The following RASAL2 variants were observed in gnomAD, a reference collection of about 807,000 sequenced individuals.
RASAL2 encodes ras GTPase-activating protein nGAP.
In RASAL2, 58 loss-of-function variants were observed where a neutral mutation model predicts 128.9. The ratio of observed to expected loss-of-function variants is 0.45; its 90% CI spans 0.36 to 0.56. The LOEUF (loss-of-function observed/expected upper bound fraction) is 0.56, where lower values mean the gene tolerates loss of function less well. Among genes scored for constraint, RASAL2 ranks in the 20% least tolerant of loss-of-function variants. The pLI, the probability that RASAL2 is intolerant of heterozygous loss-of-function variation, is 0.00. For missense variants in RASAL2, 1,360 were observed against 1,601.6 expected (o/e 0.85, Z 2.57); for synonymous variants, 561 against 580.8 (o/e 0.97, Z 0.49).
intron 3 of RASAL2, among the ~76,000 whole-genome samples, chr1:178,324,711 G>A (rs554550600): frequency 7.9e-5 from 12 of 152,190 alleles, no homozygotes; most frequent in Admixed American, 3.3e-4. Context: ...GCTAAATATC[G>A]TTTAATTGTA....
chr1:178,219,009 G>A (rs1663525809), intron 1 of RASAL2, among the ~76,000 whole-genome samples: 1 of 152,224 alleles, frequency 6.6e-6, no homozygotes, highest in Admixed American at 6.5e-5. Flanking sequence ...GTGTTCATCA[G>A]TGTTCTTAGT....
At chr1:178,237,456 T>G (rs1417901712) in intron 1 of RASAL2, among the ~76,000 whole-genome samples, 1 of 152,106 alleles carries the variant, frequency 6.6e-6, no homozygotes, top group African/African-American at 2.4e-5. Context: ...GGGAGAGTAA[T>G]GAGAATGTTG....
At chr1:178,150,641 T>C (rs540658349) in intron 1 of RASAL2, among the ~76,000 whole-genome samples, 1 of 152,188 alleles carries the variant, frequency 6.6e-6, no homozygotes, top group Non-Finnish European at 1.5e-5. Context: ...GTGGCTTCTG[T>C]GGGATTATCT....
intron 4 of RASAL2, chr1:178,411,642 T>C (rs550670683): frequency 1.5e-5 from 12 of 795,750 alleles, no homozygotes; most frequent in Non-Finnish European, 2.7e-5. Flanking sequence ...GAAATGTATT[T>C]GGTGTCTGCC....
chr1:178,300,158 T>G (rs373859537), intron 3 of RASAL2, 40 bp downstream of exon 3: 13 of 1,571,104 alleles, frequency 8.3e-6, no homozygotes, highest in Non-Finnish European at 1.1e-5. Context: ...CTAGCTTTTA[T>G]CCCATAATTT....
chr1:178,319,289 G>A (rs1322862302), intron 3 of RASAL2, among the ~76,000 whole-genome samples: 6 of 151,814 alleles, frequency 4.0e-5, no homozygotes, highest in African/African-American at 7.3e-5. Context: ...TGCTCTTCTC[G>A]AGGAGTATCT....
rs1658581874 is a variant in RASAL2 at position 178,094,339 on chromosome 1, G to C, written c.-154G>C. On this transcript the variant is annotated 5_prime_UTR_variant, in exon 1 of 18. Transcript: ENST00000367649. ...GCCCGAGCCTCGGGCAGTGGGCGACGGGGAAGGAGGTGAGAGGTGTCCGCG... is the reference window on the plus strand; with the variant it reads ...GCCCGAGCCTCGGGCAGTGGGCGACCGGGAAGGAGGTGAGAGGTGTCCGCG... The C allele has an allele frequency of 3.0e-6, 2 of 666,898 alleles. No individual in the cohort carries two copies. The highest frequency in any genetic ancestry group is 2.4e-6 in the Non-Finnish European group (1 of 420,644). The allele number at this position is 666,898 out of a possible 1,614,324, so 41.3% of individuals were successfully genotyped here. A position where few individuals can be genotyped will look rare whatever the true frequency, so the allele number is the denominator to read the frequency against.
chr1:178,350,257 C>T (rs1670390128), intron 3 of RASAL2, among the ~76,000 whole-genome samples: 1 of 152,222 alleles, frequency 6.6e-6, no homozygotes, highest in Admixed American at 6.5e-5. Context: ...CTCACTTTGT[C>T]ACCCAGGCTG....
At chr1:178,434,765 T>C (rs1676147893) in intron 5 of RASAL2, among the ~76,000 whole-genome samples, 1 of 151,454 alleles carries the variant, frequency 6.6e-6, no homozygotes, top group African/African-American at 2.4e-5. Flanking sequence ...TTTTTTTTAA[T>C]CCAGGGAGGA....
intron 3 of RASAL2, among the ~76,000 whole-genome samples, chr1:178,304,436 T>C (rs1284292067): frequency 6.6e-6 from 1 of 152,070 alleles, no homozygotes; most frequent in Non-Finnish European, 1.5e-5. Context: ...AGTGGGAGGA[T>C]CTCTTGAGCC....
At position 178,452,252 on chromosome 1, in the gene RASAL2, C is replaced by T. The variant is rs368730390; in HGVS notation, c.1773-164C>T. ...CATCTGGCCTCTGTGAATTTTCCAC[C>T]GCCTCTCAGCCATGAATCAGGTAAA... is the stretch of plus-strand genomic sequence containing the variant. On this transcript the variant is annotated intron_variant, in intron 10 of 17. Transcript: ENST00000367649. Among the ~76,000 whole-genome samples, 8 of 152,212 alleles carry T rather than the reference C, an allele frequency of 5.3e-5. 1 individual carries two copies. Among genetic ancestry groups the T allele is most frequent in the South Asian group, 2.1e-4 (1 of 4,822 alleles).
At chr1:178,220,793 G>A (rs1205390748) in intron 1 of RASAL2, among the ~76,000 whole-genome samples, 2 of 152,134 alleles carry the variant, frequency 1.3e-5, no homozygotes, top group Non-Finnish European at 2.9e-5. Flanking sequence ...TTGTCTGGAT[G>A]TACCAAGGTT....
Position 178,451,635 on chromosome 1 carries a change from A to C in RASAL2, c.1692A>C (p.Ser564=), listed in dbSNP as rs768000195. The C allele has an allele frequency of 3.1e-6, 5 of 1,613,906 alleles. No homozygotes were observed. In the South Asian group the frequency reaches 4.4e-5, roughly 14 times the overall value. ...GTGAAGTGGATCCCAGCAAATGTTC[A>C]TCTAGTGAACTGATAGACCATCAGA... is the stretch of plus-strand genomic sequence containing the variant. ...ENCEVDPSKC[S]SSELIDHQSN... The change falls in exon 10 of 18, where the codon TCA becomes TCC. Residue 564 remains serine (S), a synonymous_variant. Transcript: ENST00000367649.
rs566235971 is a variant in RASAL2 at position 178,214,627 on chromosome 1, C to T, written c.203-68937C>T. On this transcript the variant is annotated intron_variant, in intron 1 of 17. Coordinates refer to ENST00000367649, the MANE Select transcript of RASAL2 (RefSeq NM_170692.4). ...AGGCTGGAGTGCAGTGGCGCAATCT[C>T]GGCTCACTGCAAGCTCTGCCTCCTG... Among the ~76,000 whole-genome samples, 756 of 150,696 alleles carry T rather than the reference C, an allele frequency of 5.0e-3. 13 individuals carry two copies. Among genetic ancestry groups the T allele is most frequent in the African/African-American group, 0.018 (728 of 40,982 alleles).
intron 5 of RASAL2, among the ~76,000 whole-genome samples, chr1:178,434,590 A>G (rs1490003651): frequency 6.6e-6 from 1 of 152,082 alleles, no homozygotes; most frequent in Non-Finnish European, 1.5e-5. Flanking sequence ...GTGGTGTGGT[A>G]CATATTTTTA....
At chr1:178,413,248 C>T (rs1674530589) in intron 4 of RASAL2, among the ~76,000 whole-genome samples, 1 of 152,206 alleles carries the variant, frequency 6.6e-6, no homozygotes, top group African/African-American at 2.4e-5. Flanking sequence ...GCATGAGCCA[C>T]CACACCTGGC....
chr1:178,409,082 C>G (rs1163952150), intron 4 of RASAL2, among the ~76,000 whole-genome samples: 1 of 152,034 alleles, frequency 6.6e-6, no homozygotes, highest in Non-Finnish European at 1.5e-5. Flanking sequence ...CACATGGAGG[C>G]AAGAGAGAGC....
chr1:178,268,896 A>G (rs947656933), intron 1 of RASAL2, among the ~76,000 whole-genome samples: 1 of 152,150 alleles, frequency 6.6e-6, no homozygotes, highest in Non-Finnish European at 1.5e-5. Flanking sequence ...ATTCGTTGTC[A>G]TGTTGAGATA....
chr1:178,169,255 T>G (rs2101908132), intron 1 of RASAL2, among the ~76,000 whole-genome samples: 1 of 152,258 alleles, frequency 6.6e-6, no homozygotes, highest in African/African-American at 2.4e-5. Flanking sequence ...GGTGGTTACT[T>G]TCTTCCCTCT....
Sources: allele counts gnomAD v4.1 joint callset (sites outside exome capture counted in the v4.1 genomes callset), GRCh38; gene constraint gnomAD v4.1.1; transcripts MANE v1.5; gene names NCBI Gene and HGNC (gene_info 2026-07-23, HGNC 2026-07-21).